Variants in KCNQ1 observed in about 807,000 individuals in gnomAD.
KCNQ1 encodes potassium voltage-gated channel subfamily Q member 1.
Under a neutral mutation model 72.4 loss-of-function variants are expected in KCNQ1, and 49 were observed. That is an observed-to-expected ratio of 0.68 (90% confidence interval 0.54 to 0.86). KCNQ1 has a LOEUF of 0.86. Among genes scored for constraint, KCNQ1 ranks in the 40% least tolerant of loss-of-function variants. The pLI is 0.00. For synonymous variants in KCNQ1, 450 were observed against 412.6 expected, an observed-to-expected ratio of 1.09 and a Z score of -1.10; for missense variants, 790 against 945.1, an observed-to-expected ratio of 0.84 and a Z score of 2.15.
At position 2,752,553 on chromosome 11, in the gene KCNQ1, G is replaced by A. The variant is rs1257244661; in HGVS notation, c.1515-16291G>A. 6.6e-6 allele frequency among the ~76,000 whole-genome samples: 1 copy of A among 152,184 alleles called. No homozygotes were observed. Among genetic ancestry groups the A allele is most frequent in the Non-Finnish European group, 1.5e-5 (1 of 68,036 alleles). Reference sequence around the variant, plus strand: ...AGGGCGCCAGCAGATCTGGTGTCTGGTAAGGGGTCTGTCTGATTCATGGAA... The same window carrying A: ...AGGGCGCCAGCAGATCTGGTGTCTGATAAGGGGTCTGTCTGATTCATGGAA... On this transcript the variant is annotated intron_variant, in intron 11 of 15. Transcript: ENST00000155840. This position sits in a 1 kb window ranked among gnomAD's most constrained non-coding sequence, Gnocchi z 5.2.
Position 2,679,385 on chromosome 11 carries a change from C to A in KCNQ1, c.1514+17304C>A, listed in dbSNP as rs1198084780. The A allele has an allele frequency of 3.0e-5, 12 of 398,500 alleles. No homozygotes were observed. In the East Asian group the frequency reaches 3.6e-4, roughly 12 times the overall value. 24.7% of individuals were successfully genotyped at this position (398,500 alleles called of 1,614,324 possible). On this transcript the variant is annotated intron_variant, in intron 11 of 15. Transcript: ENST00000155840. This position sits in a 1 kb window ranked among gnomAD's most constrained non-coding sequence, Gnocchi z 4.8. ...TGAGTGAGTCACTTAGTCTCAGTTTCTTTATTTGTAAAATGGGAATCATAA... is the reference window on the plus strand; with the variant it reads ...TGAGTGAGTCACTTAGTCTCAGTTTATTTATTTGTAAAATGGGAATCATAA...
chr11:2,560,036 G>A (rs1295468239), intron 2 of KCNQ1, among the ~76,000 whole-genome samples: 2 of 149,818 alleles, frequency 1.3e-5, no homozygotes, highest in Admixed American at 6.6e-5. Flanking sequence ...TCCCAAACAC[G>A]GGGGAGGGGG....
At position 2,463,350 on chromosome 11, in the gene KCNQ1, C is replaced by A. The variant is rs985416208; in HGVS notation, c.386+17866C>A. 6.6e-6 allele frequency among the ~76,000 whole-genome samples: 1 copy of A among 152,172 alleles called. No individual in the cohort carries two copies. Among genetic ancestry groups the A allele is most frequent in the Admixed American group, 6.5e-5 (1 of 15,284 alleles). ...GTTTTCTGCTGAGGATACATTTGCC[C>A]CCTCTATCCCCCAGATCGGCGGCTG... On this transcript the variant is annotated intron_variant, in intron 1 of 15. Transcript: ENST00000155840. This position sits in a 1 kb window ranked among gnomAD's most constrained non-coding sequence, Gnocchi z 7.0.
chr11:2,835,200 G>A (rs1314627854), intron 15 of KCNQ1, among the ~76,000 whole-genome samples: 3 of 152,122 alleles, frequency 2.0e-5, no homozygotes, highest in Non-Finnish European at 4.4e-5. Flanking sequence ...CAGTGAGGTT[G>A]GACATCCAGG....
At position 2,498,934 on chromosome 11, in the gene KCNQ1, G is replaced by C. The variant is rs145080473; in HGVS notation, c.387-28994G>C. 6.6e-6 allele frequency among the ~76,000 whole-genome samples: 1 copy of C among 152,230 alleles called. No homozygotes were observed. Among genetic ancestry groups the C allele is most frequent in the Admixed American group, 6.5e-5 (1 of 15,280 alleles). On this transcript the variant is annotated intron_variant, in intron 1 of 15. Transcript: ENST00000155840. The surrounding 1 kb of genome is among the most constrained non-coding windows in gnomAD (Gnocchi z 4.8). Reference sequence around the variant, plus strand: ...TGACGGGTTGATGGGTGCAGCAACTGCATGCAAACTGCATGTTTGCAGTTC... The same window carrying C: ...TGACGGGTTGATGGGTGCAGCAACTCCATGCAAACTGCATGTTTGCAGTTC...
rs1590033012 is a variant in KCNQ1 at position 2,687,741 on chromosome 11, G to A, written c.1514+25660G>A. On this transcript the variant is annotated intron_variant, in intron 11 of 15. Coordinates refer to ENST00000155840, the MANE Select transcript of KCNQ1 (RefSeq NM_000218.3). The surrounding 1 kb of genome is among the most constrained non-coding windows in gnomAD (Gnocchi z 5.0). ...TTCAAGCCAGTAACCAGCAAATCAT[G>A]GGGAGACTGAGAAGAGGAGCCCCTT... The A allele has an allele frequency of 2.5e-5, 10 of 398,608 alleles. No individual in the cohort carries two copies. The East Asian group carries it at 3.2e-4, about 13-fold the overall frequency. 24.7% of individuals were successfully genotyped at this position (398,608 alleles called of 1,614,324 possible). A position where few individuals can be genotyped will look rare whatever the true frequency, so the allele number is the denominator to read the frequency against.
Position 2,462,283 on chromosome 11 carries a change from G to A in KCNQ1, c.386+16799G>A, listed in dbSNP as rs903460331. Among the ~76,000 whole-genome samples, 1 of 152,196 alleles carries A rather than the reference G, an allele frequency of 6.6e-6. No individual in the cohort carries two copies. Among genetic ancestry groups the A allele is most frequent in the African/African-American group, 2.4e-5 (1 of 41,444 alleles). On this transcript the variant is annotated intron_variant, in intron 1 of 15. Transcript: ENST00000155840. The surrounding 1 kb of genome is among the most constrained non-coding windows in gnomAD (Gnocchi z 8.2). Reference sequence around the variant, plus strand: ...CAGGCCTCTGGACTTGAGTGTGGCTGTGGACGAGGGCAGCGTCGCCATCAG... The same window carrying A: ...CAGGCCTCTGGACTTGAGTGTGGCTATGGACGAGGGCAGCGTCGCCATCAG...
rs535434387 is a variant in KCNQ1 at position 2,479,921 on chromosome 11, C to A, written c.386+34437C>A. 1.1e-3 allele frequency among the ~76,000 whole-genome samples: 160 copies of A among 152,294 alleles called. No homozygotes were observed. The highest frequency in any genetic ancestry group is 2.9e-3 in the African/African-American group (121 of 41,554). On this transcript the variant is annotated intron_variant, in intron 1 of 15. Transcript: ENST00000155840. The surrounding 1 kb of genome is among the most constrained non-coding windows in gnomAD (Gnocchi z 4.6). ...GCTTAGAAATTTCTTCCACCAAATA[C>A]CCTAAATCATCTCCCTCAAGTTCAA...
At position 2,612,623 on chromosome 11, in the gene KCNQ1, T is replaced by C. The variant is rs1848999493; in HGVS notation, c.1393+23769T>C. On this transcript the variant is annotated intron_variant, in intron 10 of 15. Transcript: ENST00000155840. This position sits in a 1 kb window ranked among gnomAD's most constrained non-coding sequence, Gnocchi z 5.5. ...TCTATCTCTATATTGATATTATCTA[T>C]TTGATGAGTCTTTGTCATCACACTT... The C allele has an allele frequency of 2.5e-6, 1 of 398,600 alleles. No individual in the cohort carries two copies. Among genetic ancestry groups the C allele is most frequent in the Non-Finnish European group, 4.4e-6 (1 of 226,050 alleles). The allele number at this position is 398,600 out of a possible 1,614,324, so 24.7% of individuals were successfully genotyped here.
At position 2,559,375 on chromosome 11, in the gene KCNQ1, C is replaced by A. The variant is rs1174136854; in HGVS notation, c.478-11253C>A. ...AGGAAAGCCCTGGATCTTGTTGACA[C>A]CCCGGGATGTGCCCTTGTGGCTACT... On this transcript the variant is annotated intron_variant, in intron 2 of 15. Transcript: ENST00000155840. The surrounding 1 kb of genome is among the most constrained non-coding windows in gnomAD (Gnocchi z 4.9). Among the ~76,000 whole-genome samples the A allele has an allele frequency of 1.3e-5, 2 of 152,200 alleles. No homozygotes were observed. Among genetic ancestry groups the A allele is most frequent in the Admixed American group, 1.3e-4 (2 of 15,284 alleles).
chr11:2,459,244 G>A (rs999179432), intron 1 of KCNQ1, among the ~76,000 whole-genome samples: 3 of 152,226 alleles, frequency 2.0e-5, no homozygotes, highest in South Asian at 2.1e-4. Context: ...CGTGGCGCCC[G>A]GTGGTGTGAG....
At position 2,626,407 on chromosome 11, in the gene KCNQ1, C is replaced by T; in HGVS notation, c.1394-35554C>T. On this transcript the variant is annotated intron_variant, in intron 10 of 15. Transcript: ENST00000155840. The surrounding 1 kb of genome is among the most constrained non-coding windows in gnomAD (Gnocchi z 4.0). ...CCTATTGAATGGTCTTGGCACTCTT[C>T]TCAGGAATCATTTGATCATGTATAC... The T allele has an allele frequency of 2.5e-6, 1 of 398,640 alleles. No homozygotes were observed. The highest frequency in any genetic ancestry group is 4.4e-6 in the Non-Finnish European group (1 of 226,084). 24.7% of individuals were successfully genotyped at this position (398,640 alleles called of 1,614,324 possible).
At chr11:2,837,569 C>T (rs1376467817) in intron 15 of KCNQ1, among the ~76,000 whole-genome samples, 2 of 152,202 alleles carry the variant, frequency 1.3e-5, no homozygotes, top group African/African-American at 2.4e-5. Flanking sequence ...CTCGGGGAGG[C>T]GGCCTCTAAG....
intron 12 of KCNQ1, among the ~76,000 whole-genome samples, chr11:2,771,844 C>T (rs1023872253): frequency 6.6e-6 from 1 of 152,220 alleles, no homozygotes; most frequent in Non-Finnish European, 1.5e-5. Context: ...CCTGCACTCC[C>T]TTCCAGACAG....
At chr11:2,640,544 C>G (rs1032314496) in intron 10 of KCNQ1, 5 of 391,324 alleles carry the variant, frequency 1.3e-5, no homozygotes, top group Admixed American at 4.7e-5. Flanking sequence ...CCTTGGCCCC[C>G]CAAAGCACTG....
At chr11:2,571,197 C>A in intron 3 of KCNQ1, 128 bp from the exon 4 acceptor site, 1 of 783,260 alleles carries the variant, frequency 1.3e-6, no homozygotes, top group Non-Finnish European at 2.2e-6. Flanking sequence ...TCTCCATGTC[C>A]CCGGTCATCA....
At chr11:2,821,578 C>T (rs1210233082) in intron 15 of KCNQ1, among the ~76,000 whole-genome samples, 2 of 152,132 alleles carry the variant, frequency 1.3e-5, no homozygotes, top group Non-Finnish European at 2.9e-5. Context: ...CCATGGTGTC[C>T]CCTTCCCCAC....
rs1246923034 is a variant in KCNQ1, at chr11:2,464,350, T to C, written c.386+18866T>C. ...AAAATATATTGCTTTTTAAAAATAA[T>C]AAAAGATCATTTAAATTAAAATATA... On this transcript the variant is annotated intron_variant, in intron 1 of 15. Coordinates refer to ENST00000155840, the MANE Select transcript of KCNQ1 (RefSeq NM_000218.3). This position sits in a 1 kb window ranked among gnomAD's most constrained non-coding sequence, Gnocchi z 5.0. Among the ~76,000 whole-genome samples, 5 of 152,202 alleles carry C rather than the reference T, an allele frequency of 3.3e-5. No homozygotes were observed. Among genetic ancestry groups the C allele is most frequent in the South Asian group, 2.1e-4 (1 of 4,826 alleles).
chr11:2,697,215 A>G, intron 11 of KCNQ1: 2 of 398,618 alleles, frequency 5.0e-6, no homozygotes, highest in South Asian at 1.3e-4. Context: ...GATGGTAACT[A>G]TCAACAGATA....
Sources: gnomAD v4.1 joint callset for allele counts (sites outside exome capture counted in the v4.1 genomes callset) on GRCh38, gnomAD v4.1.1 for gene constraint, Gnocchi (gnomAD v3.1) non-coding constraint, MANE v1.5 for transcripts, NCBI Gene and HGNC (gene_info 2026-07-23, HGNC 2026-07-21) for gene names.